Variants in MACROD2 observed in about 807,000 individuals in gnomAD.
MACROD2 encodes ADP-ribose glycohydrolase MACROD2.
Under a neutral mutation model 70.4 loss-of-function variants are expected in MACROD2, and 36 were observed. The observed-to-expected ratio is 0.51, with a 90% CI of 0.39 to 0.68. MACROD2 has a LOEUF of 0.68. Ranked by LOEUF, MACROD2 falls within the 30% of genes least tolerant of loss-of-function variation. The probability of loss-of-function intolerance (pLI) is 0.00; values close to 1 mark genes in which losing one functional copy is unlikely to be tolerated. For synonymous variants in MACROD2, 172 were observed against 178.8 expected (o/e 0.96, Z 0.30); for missense variants, 496 against 538.4 (o/e 0.92, Z 0.78).
At chr20:14,131,762 T>G (rs1265225212) in intron 3 of MACROD2, among the ~76,000 whole-genome samples, 1 of 152,122 alleles carries the variant, frequency 6.6e-6, no homozygotes, top group East Asian at 1.9e-4. Flanking sequence ...AGGATCTCAC[T>G]CTGTCACTCA....
At position 15,247,077 on chromosome 20, in the gene MACROD2, TC is replaced by T. The variant is rs554763457; in HGVS notation, c.540+17017del. 3.5e-4 allele frequency among the ~76,000 whole-genome samples: 54 copies of T among 152,282 alleles called. No individual in the cohort carries two copies. The South Asian group carries it at 0.011, about 31-fold the overall frequency. ...ATGGGGTGTGACTGCTAATAGGGTA[TC>T]TTTTTTGAGGTGATGGAAATGATCT... On this transcript the variant is annotated intron_variant, in intron 6 of 17. Coordinates refer to ENST00000684519, the MANE Select transcript of MACROD2 (RefSeq NM_001351661.2).
intron 8 of MACROD2, among the ~76,000 whole-genome samples, chr20:15,852,086 G>A (rs2064305735): frequency 6.6e-6 from 1 of 152,178 alleles, no homozygotes; most frequent in Non-Finnish European, 1.5e-5. Context: ...CTGTGTGTGT[G>A]TGCACGTGTC....
intron 8 of MACROD2, among the ~76,000 whole-genome samples, chr20:15,683,263 C>T (rs1428718944): frequency 6.6e-6 from 1 of 152,138 alleles, no homozygotes. Context: ...TAATGCAATG[C>T]CTCTTTGGGC....
At chr20:15,775,998 G>A (rs2051715153) in intron 8 of MACROD2, among the ~76,000 whole-genome samples, 2 of 152,138 alleles carry the variant, frequency 1.3e-5, no homozygotes, top group African/African-American at 2.4e-5. Context: ...TATGTGAAAC[G>A]TAAAGCCCTA....
intron 5 of MACROD2, among the ~76,000 whole-genome samples, chr20:14,985,778 T>G (rs1386227052): frequency 6.6e-6 from 1 of 151,790 alleles, no homozygotes; most frequent in African/African-American, 2.4e-5. Context: ...TTATTTTTAT[T>G]TTTTATTTTT....
intron 2 of MACROD2, among the ~76,000 whole-genome samples, chr20:14,072,185 C>T (rs2053853789): frequency 6.6e-6 from 1 of 152,072 alleles, no homozygotes; most frequent in African/African-American, 2.4e-5. Context: ...AGTATCATAA[C>T]TACTCTGGAA....
At chr20:15,801,052 G>A (rs988854394) in intron 8 of MACROD2, among the ~76,000 whole-genome samples, 7 of 150,030 alleles carry the variant, frequency 4.7e-5, no homozygotes, top group Non-Finnish European at 8.8e-5. Context: ...CAAACACTGC[G>A]GAAGTCCGCA....
chr20:14,979,971 C>T (rs892452532), intron 5 of MACROD2, among the ~76,000 whole-genome samples: 4 of 152,082 alleles, frequency 2.6e-5, no homozygotes, highest in Non-Finnish European at 4.4e-5. Flanking sequence ...GATGACTTAT[C>T]TACTATGTTT....
At chr20:14,032,418 A>G (rs550172267) in intron 2 of MACROD2, among the ~76,000 whole-genome samples, 7 of 152,168 alleles carry the variant, frequency 4.6e-5, no homozygotes, top group Non-Finnish European at 7.4e-5. Context: ...TACCCACATC[A>G]GTTTTATATG....
At chr20:15,178,724 ATG>A (rs1327677218) in intron 5 of MACROD2, among the ~76,000 whole-genome samples, 1 of 152,200 alleles carries the variant, frequency 6.6e-6, no homozygotes, top group Non-Finnish European at 1.5e-5. Flanking sequence ...AGAAGGGAAA[ATG>A]TGCATGGCAG....
chr20:14,778,532 C>T (rs2072261499), intron 5 of MACROD2, among the ~76,000 whole-genome samples: 1 of 152,058 alleles, frequency 6.6e-6, no homozygotes. Context: ...CGGTCTAGAT[C>T]CAAAATGAAT....
intron 8 of MACROD2, among the ~76,000 whole-genome samples, chr20:15,516,066 C>T (rs2146520933): frequency 6.6e-6 from 1 of 152,306 alleles, no homozygotes; most frequent in South Asian, 2.1e-4. Context: ...TTTCTCTTTT[C>T]CTGCAAAGGC....
At chr20:15,839,289 C>T (rs144525243) in intron 8 of MACROD2, among the ~76,000 whole-genome samples, 4 of 152,148 alleles carry the variant, frequency 2.6e-5, no homozygotes, top group East Asian at 1.9e-4. Flanking sequence ...CATGATGAAC[C>T]GAACCATTGG....
intron 8 of MACROD2, among the ~76,000 whole-genome samples, chr20:15,569,559 A>T (rs6079888): frequency 0.03 from 4,509 of 152,312 alleles, 83 homozygotes; most frequent in Non-Finnish European, 0.042. Flanking sequence ...CAGCCACCCA[A>T]GTCCCTGGTA....
chr20:15,989,581 A>T (rs913836378), intron 15 of MACROD2, among the ~76,000 whole-genome samples: 80 of 152,044 alleles, frequency 5.3e-4, no homozygotes, highest in Non-Finnish European at 5.9e-4. Context: ...CAAAGTAGCA[A>T]TTTTTTTTAC....
At chr20:15,856,325 A>G (rs1293136050) in intron 8 of MACROD2, among the ~76,000 whole-genome samples, 1 of 152,248 alleles carries the variant, frequency 6.6e-6, no homozygotes, top group Non-Finnish European at 1.5e-5. Context: ...CTGAAGAGCC[A>G]TTGTACTCAA....
chr20:14,686,285 G>T (rs974526791), intron 5 of MACROD2, among the ~76,000 whole-genome samples: 1 of 151,984 alleles, frequency 6.6e-6, no homozygotes, highest in African/African-American at 2.4e-5. Flanking sequence ...TGGAGATGGG[G>T]CCCAAGTCTA....
chr20:14,133,212 C>T (rs559681027), intron 3 of MACROD2, among the ~76,000 whole-genome samples: 1 of 152,278 alleles, frequency 6.6e-6, no homozygotes, highest in South Asian at 2.1e-4. Context: ...CAAGTTGATA[C>T]ATAAAATTAA....
intron 10 of MACROD2, among the ~76,000 whole-genome samples, chr20:15,907,995 A>G (rs964839103): frequency 3.3e-5 from 5 of 152,160 alleles, no homozygotes; most frequent in Middle Eastern, 6.3e-3. Context: ...GCTTTTTTAG[A>G]CATTCTTTTT....
Sources: gnomAD v4.1 joint callset for allele counts (sites outside exome capture counted in the v4.1 genomes callset) on GRCh38, gnomAD v4.1.1 for gene constraint, MANE v1.5 for transcripts, NCBI Gene and HGNC (gene_info 2026-07-23, HGNC 2026-07-21) for gene names.